Variants in TCAF1 observed in about 807,000 individuals in gnomAD.
The protein encoded by TCAF1 is TRPM8 channel-associated factor 1.
A neutral mutation model predicts 27.3 loss-of-function variants in TCAF1; 4 were observed. That is an observed-to-expected ratio of 0.15 (90% confidence interval 0.07 to 0.34). The LOEUF is 0.34. Ranked by LOEUF, TCAF1 falls within the 10% of genes least tolerant of loss-of-function variation. The probability of loss-of-function intolerance (pLI) is 1.00; values close to 1 mark genes in which losing one functional copy is unlikely to be tolerated. For missense variants in TCAF1, 257 were observed against 425.8 expected (o/e 0.60, Z 3.49); for synonymous variants, 105 against 167.1 (o/e 0.63, Z 2.87).
intron 1 of TCAF1, among the ~76,000 whole-genome samples, chr7:143,892,141 G>A (rs973027063): frequency 2.6e-5 from 4 of 152,108 alleles, no homozygotes; most frequent in Non-Finnish European, 5.9e-5. Flanking sequence ...GTACAGTGCT[G>A]TAGGAATTAA....
intron 1 of TCAF1, among the ~76,000 whole-genome samples, chr7:143,901,623 C>G (rs975405612): frequency 1.3e-5 from 2 of 152,324 alleles, no homozygotes; most frequent in African/African-American, 2.4e-5. Context: ...GACAAGCTAG[C>G]CTAGAAGAAT....
chr7:143,860,843 TC>T (rs1812007389), intron 5 of TCAF1, among the ~76,000 whole-genome samples: 3 of 138,092 alleles, frequency 2.2e-5, no homozygotes, highest in African/African-American at 8.1e-5. Context: ...GGTTTTCTGT[TC>T]CTGTGTTAGT....
chr7:143,900,103 A>G (rs1324249066), intron 1 of TCAF1, among the ~76,000 whole-genome samples: 1 of 152,310 alleles, frequency 6.6e-6, no homozygotes, highest in South Asian at 2.1e-4. Context: ...CATAAATCTT[A>G]TAACTCCGCA....
chr7:143,900,432 T>C (rs1586807075), intron 1 of TCAF1, among the ~76,000 whole-genome samples: 2 of 152,206 alleles, frequency 1.3e-5, no homozygotes, highest in Admixed American at 1.3e-4. Flanking sequence ...CAGAGGCCCA[T>C]GTGGCAAAGA....
intron 1 of TCAF1, among the ~76,000 whole-genome samples, chr7:143,892,022 T>A (rs551309463): frequency 6.6e-6 from 1 of 152,128 alleles, no homozygotes; most frequent in Non-Finnish European, 1.5e-5. Flanking sequence ...AGAAAAATAT[T>A]CCTCAAAAAT....
rs1397942495 is a variant in TCAF1, at chr7:143,852,134, A to C, written c.*1999T>G. On this transcript the variant is annotated 3_prime_UTR_variant, in exon 9 of 9. Coordinates refer to ENST00000479870, the MANE Select transcript of TCAF1 (RefSeq NM_014719.3). ...TCAAGCCTCTTCTTATTCTTCATGA[A>C]TAACTCAAAATCATGCCTCATTTTA... 5 of 151,182 alleles carry C rather than the reference A, an allele frequency of 3.3e-5. No individual in the cohort carries two copies. The highest frequency in any genetic ancestry group is 2.7e-4 in the Admixed American group (4 of 14,864). 9.4% of individuals were successfully genotyped at this position (151,182 alleles called of 1,614,324 possible). A position where few individuals can be genotyped will look rare whatever the true frequency, so the allele number is the denominator to read the frequency against.
At chr7:143,895,225 A>T (rs1211584903) in intron 1 of TCAF1, among the ~76,000 whole-genome samples, 1 of 151,878 alleles carries the variant, frequency 6.6e-6, no homozygotes. Context: ...TCTACCAAAG[A>T]TATGTTCAAA....
intron 1 of TCAF1, among the ~76,000 whole-genome samples, chr7:143,886,852 C>T (rs1205274480): frequency 6.8e-6 from 1 of 147,984 alleles, no homozygotes; most frequent in Non-Finnish European, 1.5e-5. Flanking sequence ...CCATCATGCC[C>T]AGGGAGTTTT....
At chr7:143,876,773 G>T (rs1159915519) in intron 1 of TCAF1, among the ~76,000 whole-genome samples, 151 bp from the exon 2 acceptor site, 2 of 152,190 alleles carry the variant, frequency 1.3e-5, no homozygotes, top group African/African-American at 4.8e-5. Context: ...CGGTGTTAGT[G>T]TCTGAAGTCC....
At position 143,885,500 on chromosome 7, in the gene TCAF1, T is replaced by C. The variant is rs2116832099; in HGVS notation, c.-14-8878A>G. On this transcript the variant is annotated intron_variant, in intron 1 of 8. Transcript: ENST00000479870. ...CCAAGATGCCGCCCCAGATCCGGGA[T>C]GGAGACCCAGACGCCCGCCCTCAGA... The C allele has an allele frequency of 3.0e-6, 3 of 985,402 alleles. No homozygotes were observed. In the South Asian group the frequency reaches 1.4e-4, roughly 46 times the overall value. The allele number at this position is 985,402 out of a possible 1,614,324, so 61.0% of individuals were successfully genotyped here. A position where few individuals can be genotyped will look rare whatever the true frequency, so the allele number is the denominator to read the frequency against.
At chr7:143,886,067 G>A (rs921960636) in intron 1 of TCAF1, among the ~76,000 whole-genome samples, 3 of 152,264 alleles carry the variant, frequency 2.0e-5, no homozygotes, top group Admixed American at 1.3e-4. Context: ...CTTGACCATG[G>A]AGCAGGAACT....
chr7:143,897,942 G>T (rs532822150), intron 1 of TCAF1, among the ~76,000 whole-genome samples: 1 of 151,958 alleles, frequency 6.6e-6, no homozygotes, highest in Non-Finnish European at 1.5e-5. Flanking sequence ...TAAATCACAC[G>T]TATAAATATA....
At chr7:143,884,826 T>G (rs192420461) in intron 1 of TCAF1, among the ~76,000 whole-genome samples, 1 of 152,280 alleles carries the variant, frequency 6.6e-6, no homozygotes, top group East Asian at 1.9e-4. Flanking sequence ...TCATATTATC[T>G]CCTGCGCGTA....
intron 1 of TCAF1, among the ~76,000 whole-genome samples, chr7:143,878,750 A>G (rs997208344): frequency 6.6e-6 from 1 of 152,150 alleles, no homozygotes; most frequent in Non-Finnish European, 1.5e-5. Context: ...CAAAGTGCAC[A>G]GTGTCACAGT....
At chr7:143,867,841 T>C (rs199793477) in intron 2 of TCAF1, among the ~76,000 whole-genome samples, 3,021 of 50,988 alleles carry the variant, frequency 0.059, 32 homozygotes, top group Middle Eastern at 0.15. Flanking sequence ...TTCACCTTTT[T>C]TCCATAAGGG....
chr7:143,870,261 TG>T (rs1812387482), intron 2 of TCAF1, among the ~76,000 whole-genome samples: 1 of 150,378 alleles, frequency 6.6e-6, no homozygotes, highest in African/African-American at 2.4e-5. Flanking sequence ...CTACAGATTT[TG>T]GGTTTAATTC....
intron 1 of TCAF1, among the ~76,000 whole-genome samples, chr7:143,884,007 CTG>C (rs1392301999): frequency 6.6e-6 from 1 of 152,174 alleles, no homozygotes; most frequent in African/African-American, 2.4e-5. Flanking sequence ...CCTAATTCCT[CTG>C]TGCCTCAGTG....
chr7:143,879,349 TGGA>T (rs1192093392), intron 1 of TCAF1, among the ~76,000 whole-genome samples: 1 of 152,000 alleles, frequency 6.6e-6, no homozygotes, highest in African/African-American at 2.4e-5. Flanking sequence ...TAGGAGAAAG[TGGA>T]GGAGGAGAAG....
At chr7:143,871,139 G>A (rs1334181786) in intron 2 of TCAF1, among the ~76,000 whole-genome samples, 1 of 83,988 alleles carries the variant, frequency 1.2e-5, no homozygotes, top group African/African-American at 4.3e-5. Flanking sequence ...GCATGCTTTA[G>A]ATCTTGGTTT....
Sources: allele counts gnomAD v4.1 joint callset (sites outside exome capture counted in the v4.1 genomes callset), GRCh38; gene constraint gnomAD v4.1.1; transcripts MANE v1.5; gene names NCBI Gene and HGNC (gene_info 2026-07-23, HGNC 2026-07-21).